The following WWOX variants were observed in gnomAD, a reference collection of about 807,000 sequenced individuals.
The protein encoded by WWOX is WW domain containing oxidoreductase.
Under a neutral mutation model 46.2 loss-of-function variants are expected in WWOX, and 69 were observed. The ratio of observed to expected loss-of-function variants is 1.49; its 90% confidence interval spans 1.23 to 1.82. The LOEUF is 1.82. Among genes scored for constraint, WWOX ranks in the 40% most tolerant of loss-of-function variants. The pLI is 0.00. For missense variants in WWOX, 919 were observed against 542.6 expected (o/e 1.69, Z -6.89); for synonymous variants, 359 against 202.6 (o/e 1.77, Z -6.56).
In WWOX at chr16:78,934,836, G is replaced by A. The variant is rs549649721; in HGVS notation, c.1057-276772G>A. On this transcript the variant is annotated intron_variant, in intron 8 of 8. Transcript: ENST00000566780. ...AGAAGCAGACTGGGCATGGTGGCTC[G>A]CATCTATAATCGCAGCACTTTGGGA... Among the ~76,000 whole-genome samples, 40 of 152,246 alleles carry A rather than the reference G, an allele frequency of 2.6e-4. No individual in the cohort carries two copies. The South Asian group carries it at 5.0e-3, about 19-fold the overall frequency.
chr16:78,263,962 A>G (rs556848529), intron 5 of WWOX, among the ~76,000 whole-genome samples: 54 of 145,552 alleles, frequency 3.7e-4, no homozygotes, highest in African/African-American at 1.3e-3. Context: ...TTTTCCCTTA[A>G]TGCAACAAAG....
intron 5 of WWOX, among the ~76,000 whole-genome samples, chr16:78,366,935 A>G (rs75468074): frequency 0.013 from 1,876 of 141,726 alleles, 40 homozygotes; most frequent in African/African-American, 0.046. Context: ...AGTTGAAATT[A>G]GCTGGGGTTT....
At chr16:79,005,315 T>C (rs957654018) in intron 8 of WWOX, among the ~76,000 whole-genome samples, 2 of 152,126 alleles carry the variant, frequency 1.3e-5, no homozygotes, top group African/African-American at 4.8e-5. Context: ...AACACACAGT[T>C]TCCTAGAATC....
At chr16:79,102,434 C>T (rs995974649) in intron 8 of WWOX, among the ~76,000 whole-genome samples, 3 of 152,126 alleles carry the variant, frequency 2.0e-5, no homozygotes, top group African/African-American at 7.2e-5. Context: ...TGTGCTAATA[C>T]ACTGCTAGGA....
intron 8 of WWOX, among the ~76,000 whole-genome samples, chr16:78,899,950 G>C (rs533470920): frequency 9.9e-5 from 15 of 151,764 alleles, no homozygotes; most frequent in African/African-American, 3.6e-4. Flanking sequence ...TGTACCCTTG[G>C]TACTAATTAA....
intron 8 of WWOX, among the ~76,000 whole-genome samples, chr16:78,438,862 T>A (rs572869443): frequency 2.7e-4 from 41 of 152,238 alleles, no homozygotes; most frequent in African/African-American, 9.9e-4. Context: ...TTATAAATTA[T>A]AACTAGAAAA....
intron 8 of WWOX, among the ~76,000 whole-genome samples, chr16:79,198,609 C>T (rs1384902771): frequency 6.6e-6 from 1 of 152,174 alleles, no homozygotes; most frequent in Non-Finnish European, 1.5e-5. Flanking sequence ...TGTCTGATTT[C>T]TGTGGCTCAG....
At chr16:78,416,593 C>T (rs1360782239) in intron 6 of WWOX, among the ~76,000 whole-genome samples, 1 of 152,082 alleles carries the variant, frequency 6.6e-6, no homozygotes, top group Non-Finnish European at 1.5e-5. Context: ...CCTTGGTTTG[C>T]TGAGGTTTGC....
intron 4 of WWOX, among the ~76,000 whole-genome samples, chr16:78,147,334 G>A (rs888573359): frequency 5.3e-5 from 8 of 152,176 alleles, no homozygotes; most frequent in Non-Finnish European, 1.2e-4. Context: ...TGGAGTTGGA[G>A]GAGTCATTGA....
chr16:78,594,166 G>A (rs1036372492), intron 8 of WWOX, among the ~76,000 whole-genome samples: 1 of 150,988 alleles, frequency 6.6e-6, no homozygotes, highest in African/African-American at 2.5e-5. Context: ...CCTGTCCTCT[G>A]CTTTATCTCT....
At chr16:79,114,428 A>G (rs2049473706) in intron 8 of WWOX, among the ~76,000 whole-genome samples, 1 of 151,294 alleles carries the variant, frequency 6.6e-6, no homozygotes, top group South Asian at 2.1e-4. Flanking sequence ...GCATGCACAT[A>G]CCTACATGCA....
intron 8 of WWOX, among the ~76,000 whole-genome samples, chr16:78,721,860 G>C (rs1160494404): frequency 1.3e-5 from 2 of 152,222 alleles, no homozygotes; most frequent in East Asian, 3.9e-4. Context: ...GGTTGGCAGA[G>C]CAAACGCACA....
chr16:79,022,400 G>T (rs924822899), intron 8 of WWOX, among the ~76,000 whole-genome samples: 1 of 147,530 alleles, frequency 6.8e-6, no homozygotes, highest in Non-Finnish European at 1.5e-5. Flanking sequence ...TGGCTTATCT[G>T]TTATTTCTTG....
intron 8 of WWOX, among the ~76,000 whole-genome samples, chr16:78,923,042 C>T (rs536179503): frequency 1.7e-4 from 25 of 144,600 alleles, no homozygotes; most frequent in African/African-American, 3.6e-4. Context: ...AGTGCAATGG[C>T]GCAATGTTGG....
intron 6 of WWOX, among the ~76,000 whole-genome samples, chr16:78,416,632 A>G (rs2082802891): frequency 6.6e-6 from 1 of 152,242 alleles, no homozygotes; most frequent in African/African-American, 2.4e-5. Context: ...ACAGGCAAGA[A>G]TAAAAGTAAC....
intron 8 of WWOX, among the ~76,000 whole-genome samples, chr16:79,142,472 C>G (rs78983032): frequency 0.02 from 2,991 of 152,244 alleles, 45 homozygotes; most frequent in Non-Finnish European, 0.034. Flanking sequence ...CATCAGGGCT[C>G]CCTCCTCCCC....
intron 8 of WWOX, among the ~76,000 whole-genome samples, chr16:78,489,209 G>C (rs1166675414): frequency 6.6e-6 from 1 of 152,188 alleles, no homozygotes; most frequent in African/African-American, 2.4e-5. Flanking sequence ...GTCTAACCAG[G>C]ATGATAATGA....
chr16:78,665,381 AATT>A (rs1567474625), intron 8 of WWOX, among the ~76,000 whole-genome samples: 1 of 152,078 alleles, frequency 6.6e-6, no homozygotes, highest in Non-Finnish European at 1.5e-5. Flanking sequence ...TAAATAATTG[AATT>A]ATTATTATTG....
At chr16:78,893,975 C>G (rs988790117) in intron 8 of WWOX, among the ~76,000 whole-genome samples, 2 of 151,448 alleles carry the variant, frequency 1.3e-5, no homozygotes, top group African/African-American at 4.8e-5. Flanking sequence ...TATTTGAGTA[C>G]CAGGTATCCC....
Sources: gnomAD v4.1 joint callset for allele counts (sites outside exome capture counted in the v4.1 genomes callset) on GRCh38, gnomAD v4.1.1 for gene constraint, MANE v1.5 for transcripts, NCBI Gene and HGNC (gene_info 2026-07-23, HGNC 2026-07-21) for gene names.